Variants in DIP2C observed in about 807,000 individuals in gnomAD.
DIP2C encodes the protein DIP2 acetate--CoA ligase C (putative), also known as disco-interacting protein 2 homolog C.
Under a neutral mutation model 192.4 loss-of-function variants are expected in DIP2C, and 33 were observed. The ratio of observed to expected loss-of-function variants is 0.17; its 90% confidence interval spans 0.13 to 0.23. The LOEUF is 0.23. Ranked by LOEUF, DIP2C falls within the 10% of genes least tolerant of loss-of-function variation. The probability of loss-of-function intolerance (pLI) is 1.00; values close to 1 mark genes in which losing one functional copy is unlikely to be tolerated. For synonymous variants in DIP2C, 979 were observed against 864.1 expected, an observed-to-expected ratio of 1.13 and a Z score of -2.33; for missense variants, 1,537 against 2,110.1, an observed-to-expected ratio of 0.73 and a Z score of 5.32.
chr10:553,858 GTAAC>G (rs755150297), intron 1 of DIP2C, among the ~76,000 whole-genome samples: 57 of 150,658 alleles, frequency 3.8e-4, no homozygotes, highest in Non-Finnish European at 4.7e-4. Flanking sequence ...GTATACGCTT[GTAAC>G]TAACAGTGAA....
Position 685,488 on chromosome 10 carries a change from T to A in DIP2C, c.85+4006A>T, listed in dbSNP as rs1382639982. Among the ~76,000 whole-genome samples, 9 of 152,094 alleles carry A rather than the reference T, an allele frequency of 5.9e-5. No homozygotes were observed. The East Asian group carries it at 1.7e-3, about 29-fold the overall frequency. On this transcript the variant is annotated intron_variant, in intron 1 of 36. Transcript: ENST00000280886. ...CTTCTCTTCCACCAAAAACCAACAA[T>A]TTTTGCAGGCTATATTATGAGTTCT...
chr10:335,011 C>G (rs899701606), intron 29 of DIP2C, among the ~76,000 whole-genome samples: 1 of 152,130 alleles, frequency 6.6e-6, no homozygotes, highest in Non-Finnish European at 1.5e-5. Flanking sequence ...TTACATTGAA[C>G]CTATAAAGCA....
chr10:636,055 C>T lies in DIP2C; in HGVS notation c.85+53439G>A, dbSNP rs1356823449. On this transcript the variant is annotated intron_variant, in intron 1 of 36. Coordinates refer to ENST00000280886, the MANE Select transcript of DIP2C (RefSeq NM_014974.3). This position sits in a 1 kb window ranked among gnomAD's most constrained non-coding sequence, Gnocchi z 4.6. Reference sequence around the variant, plus strand: ...CAAGTGGTTTCTTTAGCCAGTTCTCCACATTCTTAATGACAATCCACACTA... The same window carrying T: ...CAAGTGGTTTCTTTAGCCAGTTCTCTACATTCTTAATGACAATCCACACTA... Among the ~76,000 whole-genome samples the T allele has an allele frequency of 6.6e-6, 1 of 152,204 alleles. No individual in the cohort carries two copies. The highest frequency in any genetic ancestry group is 1.5e-5 in the Non-Finnish European group (1 of 68,036).
intron 1 of DIP2C, among the ~76,000 whole-genome samples, chr10:555,143 T>G (rs1226854768): frequency 1.3e-5 from 2 of 152,066 alleles, no homozygotes; most frequent in Non-Finnish European, 2.9e-5. Flanking sequence ...CCACAATCTC[T>G]TTACCCATAT....
intron 1 of DIP2C, among the ~76,000 whole-genome samples, chr10:543,163 G>A (rs901499809): frequency 1.4e-4 from 21 of 152,322 alleles, no homozygotes; most frequent in Admixed American, 1.1e-3. Context: ...ACCAGTCTTC[G>A]CAAGGATCGT....
intron 3 of DIP2C, among the ~76,000 whole-genome samples, chr10:451,311 T>C (rs1968825739): frequency 1.3e-5 from 2 of 152,200 alleles, no homozygotes; most frequent in African/African-American, 4.8e-5. Context: ...CTTTGTCTAC[T>C]TGGAAAGAGG....
intron 1 of DIP2C, among the ~76,000 whole-genome samples, chr10:599,589 T>C (rs1025411241): frequency 1.3e-5 from 2 of 152,090 alleles, no homozygotes; most frequent in Non-Finnish European, 2.9e-5. Context: ...AATGACGACA[T>C]GTTAACCTGA....
intron 33 of DIP2C, among the ~76,000 whole-genome samples, 194 bp downstream of exon 33, chr10:288,170 A>G (rs980581455): frequency 2.6e-5 from 4 of 152,162 alleles, no homozygotes; most frequent in Admixed American, 6.5e-5. Context: ...CCTATTTCCT[A>G]ACTTTTACCT....
chr10:446,617 C>T (rs1485568863), intron 3 of DIP2C, among the ~76,000 whole-genome samples: 4 of 152,186 alleles, frequency 2.6e-5, no homozygotes, highest in Non-Finnish European at 5.9e-5. Context: ...GCCATGCAGA[C>T]CTGAACCACG....
At chr10:480,507 G>A (rs1206315649) in intron 2 of DIP2C, among the ~76,000 whole-genome samples, 2 of 152,158 alleles carry the variant, frequency 1.3e-5, no homozygotes, top group African/African-American at 2.4e-5. Context: ...TCCAGTCCAC[G>A]CTCCTTGGAT....
chr10:596,724 G>C (rs991807084), intron 1 of DIP2C, among the ~76,000 whole-genome samples: 1 of 152,090 alleles, frequency 6.6e-6, no homozygotes, highest in Non-Finnish European at 1.5e-5. Flanking sequence ...GCGGGAAGTG[G>C]AACTGGCTTC....
intron 1 of DIP2C, among the ~76,000 whole-genome samples, chr10:527,263 G>GA (rs1847106834): frequency 6.6e-6 from 1 of 152,302 alleles, no homozygotes. Flanking sequence ...CAGCACCTCT[G>GA]AAGTCATGGC....
intron 1 of DIP2C, among the ~76,000 whole-genome samples, chr10:499,789 C>G (rs780816448): frequency 6.6e-6 from 1 of 152,194 alleles, no homozygotes; most frequent in Non-Finnish European, 1.5e-5. Flanking sequence ...AGAGCCAAAC[C>G]GTATCATGGG....
intron 4 of DIP2C, among the ~76,000 whole-genome samples, chr10:427,299 G>A (rs141039538): frequency 2.0e-5 from 3 of 152,250 alleles, no homozygotes; most frequent in South Asian, 4.1e-4. Context: ...TTGTAAGGAC[G>A]TTCTTGATTA....
chr10:483,397 C>T (rs1415282027), intron 2 of DIP2C, among the ~76,000 whole-genome samples: 1 of 152,244 alleles, frequency 6.6e-6, no homozygotes, highest in Non-Finnish European at 1.5e-5. Flanking sequence ...GCGTTCCTTG[C>T]TGCTTCCCAG....
intron 2 of DIP2C, among the ~76,000 whole-genome samples, chr10:475,708 AC>A (rs1308451171): frequency 6.6e-6 from 1 of 152,256 alleles, no homozygotes; most frequent in East Asian, 1.9e-4. Context: ...GGCAAAAGAA[AC>A]GAGTATGAAT....
At chr10:567,042 G>A (rs1002907801) in intron 1 of DIP2C, among the ~76,000 whole-genome samples, 6 of 152,124 alleles carry the variant, frequency 3.9e-5, no homozygotes, top group East Asian at 1.9e-4. Flanking sequence ...GAAGCTAAAC[G>A]TTAAGACTCA....
Position 559,475 on chromosome 10 carries a change from CCA to C in DIP2C, c.86-72947_86-72946del, listed in dbSNP as rs1254057410. ...CAGGGCCTGGACTCCTCAAAGCTCCCCACAGACCTGGGTTAATCGGCACCTTC... is the reference window on the plus strand; with the variant it reads ...CAGGGCCTGGACTCCTCAAAGCTCCCCAGACCTGGGTTAATCGGCACCTTC... On this transcript the variant is annotated intron_variant, in intron 1 of 36. Coordinates refer to ENST00000280886, the MANE Select transcript of DIP2C (RefSeq NM_014974.3). Among the ~76,000 whole-genome samples the C allele has an allele frequency of 4.6e-5, 7 of 152,156 alleles. No individual in the cohort carries two copies. The East Asian group carries it at 1.3e-3, about 29-fold the overall frequency.
intron 14 of DIP2C, among the ~76,000 whole-genome samples, chr10:385,571 G>T (rs911783538): frequency 6.6e-6 from 1 of 152,278 alleles, no homozygotes; most frequent in African/African-American, 2.4e-5. Context: ...GGGGAAGCTC[G>T]GATTCTGGCT....
Sources: gnomAD v4.1 joint callset for allele counts (sites outside exome capture counted in the v4.1 genomes callset) on GRCh38, gnomAD v4.1.1 for gene constraint, Gnocchi (gnomAD v3.1) non-coding constraint, MANE v1.5 for transcripts, NCBI Gene and HGNC (gene_info 2026-07-23, HGNC 2026-07-21) for gene names.